Variants in GLTP observed in about 807,000 individuals in gnomAD.
GLTP encodes the protein glycolipid transfer protein.
GLTP carries 22 observed loss-of-function variants against 24.0 expected under a neutral mutation model. That is an observed-to-expected ratio of 0.92 (90% CI 0.65 to 1.31). The LOEUF (loss-of-function observed/expected upper bound fraction) is 1.31. GLTP is among the 50% of genes most tolerant of loss of function. The probability of loss-of-function intolerance (pLI) is 0.00; values close to 1 mark genes in which losing one functional copy is unlikely to be tolerated. For synonymous variants in GLTP, 92 were observed against 115.9 expected (o/e 0.79, Z 1.33); for missense variants, 224 against 276.6 (o/e 0.81, Z 1.35).
chr12:109,860,865 C>G (rs576898316), intron 1 of GLTP, among the ~76,000 whole-genome samples: 122 of 152,236 alleles, frequency 8.0e-4, no homozygotes, highest in African/African-American at 2.8e-3. Context: ...GACATCTTGC[C>G]CCTTACATGC....
At chr12:109,867,458 T>A (rs1156336591) in intron 1 of GLTP, among the ~76,000 whole-genome samples, 1 of 152,114 alleles carries the variant, frequency 6.6e-6, no homozygotes, top group East Asian at 1.9e-4. Flanking sequence ...CAAATTCTTA[T>A]AGATACTTAA....
At chr12:109,858,623 C>T (rs1315363053) in intron 2 of GLTP, 60 bp downstream of exon 2, 10 of 1,227,592 alleles carry the variant, frequency 8.1e-6, no homozygotes, top group Non-Finnish European at 1.2e-5. Context: ...GCTGGTAACC[C>T]AGGTGGGCTT....
Position 109,855,643 on chromosome 12 carries a change from G to A in GLTP, c.423C>T (p.Gly141=). ...AYEMALKKYH[G]WIVQKIFQAA... ...CCTGGAAGATCTTCTGCACGATCCA[G>A]CCATGGTACTTCTTGAGGGCCATCT... is the stretch of plus-strand genomic sequence containing the variant. The change falls in exon 4 of 5, where the codon GGC becomes GGT. Residue 141 remains glycine (G), a synonymous_variant. Coordinates refer to ENST00000318348, the MANE Select transcript of GLTP (RefSeq NM_016433.4). The surrounding 1 kb of genome is among the most constrained non-coding windows in gnomAD (Gnocchi z 4.1). 2 of 1,593,360 alleles carry A rather than the reference G, an allele frequency of 1.3e-6. No homozygotes were observed. The highest frequency in any genetic ancestry group is 1.7e-6 in the Non-Finnish European group (2 of 1,169,936).
intron 1 of GLTP, among the ~76,000 whole-genome samples, chr12:109,879,099 T>C (rs1259748129): frequency 1.3e-5 from 2 of 152,154 alleles, no homozygotes; most frequent in East Asian, 1.9e-4. Flanking sequence ...AGGGGAACTA[T>C]AGCCTCCAGG....
intron 1 of GLTP, among the ~76,000 whole-genome samples, chr12:109,862,776 G>T (rs190726725): frequency 6.3e-4 from 96 of 152,114 alleles, no homozygotes; most frequent in African/African-American, 2.1e-3. Context: ...TGTGGGCCAG[G>T]CGCAGTGGCT....
At chr12:109,853,887 TG>T (rs1892759660) in intron 4 of GLTP, among the ~76,000 whole-genome samples, 1 of 150,250 alleles carries the variant, frequency 6.7e-6, no homozygotes, top group Admixed American at 6.6e-5. Context: ...GGACTACAGG[TG>T]CCCGCCACCA....
Position 109,855,735 on chromosome 12 carries a change from T to A in GLTP, c.331A>T (p.Ile111Phe). ...TTCTCGTCCCGCTCCCCGTCGCAGA[T>A]GCTCTGGAGGAAGACCTGGATGAAG... ...LRFIQVFLQS[I>F]CDGERDENHP... is the part of the protein sequence containing the mutation. Residue 111 changes from isoleucine (I) to phenylalanine (F), a missense_variant, in exon 4 of 5, where the codon ATC (isoleucine) becomes TTC (phenylalanine). Ile to Phe is a conservative substitution (Grantham distance 21). Transcript: ENST00000318348. This position sits in a 1 kb window ranked among gnomAD's most constrained non-coding sequence, Gnocchi z 4.1. The A allele has an allele frequency of 6.2e-7, 1 of 1,607,752 alleles. No individual in the cohort carries two copies. The highest frequency in any genetic ancestry group is 8.5e-7 in the Non-Finnish European group (1 of 1,177,134).
chr12:109,862,411 C>T (rs751270240), intron 1 of GLTP, among the ~76,000 whole-genome samples: 63 of 152,146 alleles, frequency 4.1e-4, no homozygotes, highest in Admixed American at 1.9e-3. Context: ...ATAATAACGC[C>T]GGAGCCAAGA....
Position 109,852,391 on chromosome 12 carries a change from AGAC to A in GLTP, c.*161_*163del. 3.2e-5 allele frequency: 17 copies of A among 523,370 alleles called. No individual in the cohort carries two copies. Among genetic ancestry groups the A allele is most frequent in the Middle Eastern group, 5.3e-4 (1 of 1,886 alleles). 32.4% of individuals were successfully genotyped at this position (523,370 alleles called of 1,614,324 possible). A position where few individuals can be genotyped will look rare whatever the true frequency, so the allele number is the denominator to read the frequency against. On this transcript the variant is annotated 3_prime_UTR_variant, in exon 5 of 5. Transcript: ENST00000318348. ...AATAGACCAAAAAAAAAAAAAAAAA[AGAC>A]TTAAAAAACGAGGGCTGTCCCCTGC...
rs1407190969 is a variant in GLTP, at chr12:109,852,510, C to G, written c.*45G>C. ...CACAGTGATTCTGGTTTGCCTGTTT[C>G]TCCATGTGGCCACGAGTCGGGGACG... On this transcript the variant is annotated 3_prime_UTR_variant, in exon 5 of 5. Coordinates refer to ENST00000318348, the MANE Select transcript of GLTP (RefSeq NM_016433.4). 15 of 1,291,614 alleles carry G rather than the reference C, an allele frequency of 1.2e-5. No individual in the cohort carries two copies. Among genetic ancestry groups the G allele is most frequent in the Non-Finnish European group, 1.7e-5 (15 of 901,794 alleles). 80.0% of individuals were successfully genotyped at this position (1,291,614 alleles called of 1,614,324 possible).
chr12:109,870,033 C>T (rs1016617668), intron 1 of GLTP, among the ~76,000 whole-genome samples: 19 of 152,104 alleles, frequency 1.2e-4, no homozygotes, highest in Non-Finnish European at 2.4e-4. Flanking sequence ...CATGAGCCAC[C>T]GCACTCGGCA....
intron 1 of GLTP, among the ~76,000 whole-genome samples, chr12:109,876,214 G>T (rs1233294792): frequency 6.6e-6 from 1 of 152,044 alleles, no homozygotes; most frequent in Admixed American, 6.6e-5. Context: ...ATAGAGTCAT[G>T]TGCCTGTAAT....
At chr12:109,867,425 A>G (rs7135254) in intron 1 of GLTP, among the ~76,000 whole-genome samples, 70,119 of 151,994 alleles carry the variant, frequency 0.46, 16,655 homozygotes, top group South Asian at 0.57. Context: ...CTGGAATTAC[A>G]GGCGTGAGCT....
Position 109,857,560 on chromosome 12 carries a change from C to G in GLTP, c.262G>C (p.Val88Leu), listed in dbSNP as rs1592888910. 6 of 1,613,868 alleles carry G rather than the reference C, an allele frequency of 3.7e-6. No individual in the cohort carries two copies. Among genetic ancestry groups the G allele is most frequent in the African/African-American group, 2.7e-5 (2 of 75,050 alleles). ...CACATCAGCGCCAGTGTGGCCCCTA[C>G]TTTGGGCCACTCTGCTCCATACATT... ...KEMYGAEWPKVGATLALMWLK... is the reference protein window; with the variant it reads ...KEMYGAEWPKLGATLALMWLK... Residue 88 changes from valine to leucine, a missense_variant, in exon 3 of 5, where the codon GTA becomes CTA. By Grantham distance (32) the Val-to-Leu change is conservative. Transcript: ENST00000318348. This position sits in a 1 kb window ranked among gnomAD's most constrained non-coding sequence, Gnocchi z 4.3.
chr12:109,875,962 T>C (rs902099016), intron 1 of GLTP, among the ~76,000 whole-genome samples: 1 of 152,236 alleles, frequency 6.6e-6, no homozygotes, highest in African/African-American at 2.4e-5. Context: ...GGATGTTCAC[T>C]GCAGCACTGT....
chr12:109,856,189 C>T (rs1892793126), intron 3 of GLTP, among the ~76,000 whole-genome samples: 1 of 152,174 alleles, frequency 6.6e-6, no homozygotes, highest in South Asian at 2.1e-4. Flanking sequence ...ACTGGCGAGA[C>T]TGGCCCCGCG....
At chr12:109,875,412 ATTCACAAAGGCTAAAGCACAGGT>A (rs1200618326) in intron 1 of GLTP, among the ~76,000 whole-genome samples, 1 of 152,168 alleles carries the variant, frequency 6.6e-6, no homozygotes, top group Admixed American at 6.5e-5. Flanking sequence ...GCTACAAACC[ATTCACAAAGGCTAAAGCACAGGT>A]TTCAAGCTGG....
intron 1 of GLTP, among the ~76,000 whole-genome samples, chr12:109,872,975 A>G (rs1267906190): frequency 6.6e-6 from 1 of 152,222 alleles, no homozygotes; most frequent in African/African-American, 2.4e-5. Flanking sequence ...ATGTGGCCCA[A>G]TACAAATTCA....
chr12:109,861,388 C>G (rs972382317), intron 1 of GLTP, among the ~76,000 whole-genome samples: 1 of 152,208 alleles, frequency 6.6e-6, no homozygotes, highest in Non-Finnish European at 1.5e-5. Context: ...CTGTGTGCCT[C>G]AGTTTCCTCT....
Sources: gnomAD v4.1 joint callset for allele counts (sites outside exome capture counted in the v4.1 genomes callset) on GRCh38, gnomAD v4.1.1 for gene constraint, Gnocchi (gnomAD v3.1) non-coding constraint, MANE v1.5 for transcripts, NCBI Gene and HGNC (gene_info 2026-07-23, HGNC 2026-07-21) for gene names.